The following CATSPERQ variants were observed in gnomAD, a reference collection of about 807,000 sequenced individuals.
CATSPERQ encodes catsper channel auxiliary subunit theta.
At chr8:144,353,741 G>C in the CATSPERQ span, 35 of 1,532,902 alleles carry the variant, frequency 2.3e-5, no homozygotes, top group Non-Finnish European at 1.7e-6. Flanking sequence ...CGGTGTCATC[G>C]TGTCCTGAGG....
chr8:144,353,734 T>A, the CATSPERQ span: 1 of 1,531,488 alleles, frequency 6.5e-7, no homozygotes. Flanking sequence ...CAGTGATCGG[T>A]GTCATCGTGT....
At chr8:144,353,452 G>T in the CATSPERQ span, 14 of 1,535,836 alleles carry the variant, frequency 9.1e-6, no homozygotes, top group East Asian at 2.4e-5. Flanking sequence ...ACCACGTGCC[G>T]GTAGGAGGTG....
chr8:144,354,680 G>A, the CATSPERQ span: 5 of 1,535,504 alleles, frequency 3.3e-6, no homozygotes, highest in South Asian at 3.6e-5. This position sits in a 1 kb window ranked among gnomAD's most constrained non-coding sequence, Gnocchi z 4.6. Context: ...GCCAGGTGGC[G>A]CTCCGGGCAG....
At chr8:144,354,577 C>T in the CATSPERQ span, 3 of 797,568 alleles carry the variant, frequency 3.8e-6, no homozygotes, top group East Asian at 3.2e-5. The surrounding 1 kb of genome is among the most constrained non-coding windows in gnomAD (Gnocchi z 4.6). Context: ...CCGCCCTTCC[C>T]AGCCCCGCCC....
chr8:144,353,474 G>T, the CATSPERQ span: 1 of 1,535,918 alleles, frequency 6.5e-7, no homozygotes, highest in Non-Finnish European at 8.7e-7. Context: ...CCAGGTAGTC[G>T]AAGTAGTTGA....
chr8:144,353,255 A>C, the CATSPERQ span: 1 of 1,384,292 alleles, frequency 7.2e-7, no homozygotes, highest in Non-Finnish European at 9.5e-7. Context: ...ATTGAAAGGA[A>C]GGCCAGTGAG....
chr8:144,353,914 G>C, the CATSPERQ span: 1 of 1,528,454 alleles, frequency 6.5e-7, no homozygotes, highest in Non-Finnish European at 8.8e-7. Flanking sequence ...GACCTCCCAA[G>C]CTGCCTCCCC....
chr8:144,354,551 T>TCCCACCAACCCCCCCCCCC, the CATSPERQ span: 1 of 1,224,578 alleles, frequency 8.2e-7, no homozygotes, highest in Non-Finnish European at 1.1e-6. The surrounding 1 kb of genome is among the most constrained non-coding windows in gnomAD (Gnocchi z 4.6). Context: ...CGGGCCCGTC[T>TCCCACCAACCCCCCCCCCC]CCCTCCTCCC....
At chr8:144,354,426 G>A in the CATSPERQ span, 30 of 1,365,264 alleles carry the variant, frequency 2.2e-5, no homozygotes, top group East Asian at 8.0e-4. This position sits in a 1 kb window ranked among gnomAD's most constrained non-coding sequence, Gnocchi z 4.6. Context: ...GGTCCGCGCA[G>A]GGCTCGCGGA....
the CATSPERQ span, chr8:144,353,478 T>C: frequency 6.5e-7 from 1 of 1,535,670 alleles, no homozygotes; most frequent in Non-Finnish European, 8.7e-7. Flanking sequence ...GTAGTCGAAG[T>C]AGTTGATGTT....
At chr8:144,354,462 C>A in the CATSPERQ span, 54 of 1,305,440 alleles carry the variant, frequency 4.1e-5, no homozygotes, top group African/African-American at 5.5e-4. This position sits in a 1 kb window ranked among gnomAD's most constrained non-coding sequence, Gnocchi z 4.6. Context: ...GCGGCCTCTC[C>A]GTCCCCAGGA....
the CATSPERQ span, chr8:144,353,451 C>T: frequency 2.6e-6 from 4 of 1,535,904 alleles, no homozygotes; most frequent in Admixed American, 3.9e-5. Flanking sequence ...AACCACGTGC[C>T]GGTAGGAGGT....
chr8:144,354,162 C>A, the CATSPERQ span: 1 of 1,536,254 alleles, frequency 6.5e-7, no homozygotes, highest in Admixed American at 2.0e-5. The surrounding 1 kb of genome is among the most constrained non-coding windows in gnomAD (Gnocchi z 4.6). Flanking sequence ...GCGGGCGCCA[C>A]GCGGAGAGTC....
chr8:144,353,491 GT>G, the CATSPERQ span: 2 of 1,535,792 alleles, frequency 1.3e-6, no homozygotes, highest in Non-Finnish European at 1.7e-6. Context: ...TTGATGTTGA[GT>G]TTCCGGGCGA....
chr8:144,353,686 C>G, the CATSPERQ span: 32 of 1,499,726 alleles, frequency 2.1e-5, no homozygotes, highest in Non-Finnish European at 2.8e-5. Context: ...TGTATTTACC[C>G]TCTGCGTGCG....
chr8:144,354,830 C>CG, the CATSPERQ span: 1 of 1,507,296 alleles, frequency 6.6e-7, no homozygotes, highest in African/African-American at 1.4e-5. The surrounding 1 kb of genome is among the most constrained non-coding windows in gnomAD (Gnocchi z 4.6). Flanking sequence ...CTGCCCACAG[C>CG]GGCACTCCTA....
At chr8:144,354,096 C>T in the CATSPERQ span, 2 of 1,535,356 alleles carry the variant, frequency 1.3e-6, no homozygotes, top group Non-Finnish European at 8.7e-7. This position sits in a 1 kb window ranked among gnomAD's most constrained non-coding sequence, Gnocchi z 4.6. Flanking sequence ...TCACGAGCCA[C>T]AGGCCCACGC....
chr8:144,353,452 G>A, the CATSPERQ span: 23 of 1,535,836 alleles, frequency 1.5e-5, no homozygotes, highest in Admixed American at 2.0e-4. Flanking sequence ...ACCACGTGCC[G>A]GTAGGAGGTG....
the CATSPERQ span, chr8:144,353,446 C>T: frequency 2.6e-6 from 4 of 1,535,954 alleles, no homozygotes; most frequent in East Asian, 2.4e-5. Context: ...TGGCGAACCA[C>T]GTGCCGGTAG....
Sources: allele counts gnomAD v4.1 joint callset, GRCh38; gene constraint gnomAD v4.1.1; non-coding constraint Gnocchi (gnomAD v3.1); transcripts MANE v1.5; gene names NCBI Gene and HGNC (gene_info 2026-07-23, HGNC 2026-07-21).